CDH18: variants seen among roughly 807,000 people sequenced by gnomAD.
CDH18 encodes cadherin-18.
In CDH18, 31 loss-of-function variants were observed where a neutral mutation model predicts 67.9. That is an observed-to-expected ratio of 0.46 (90% CI 0.34 to 0.62). CDH18 has a LOEUF of 0.62. Among genes scored for constraint, CDH18 ranks in the 20% least tolerant of loss-of-function variants. CDH18 has a pLI of 0.01. For missense variants in CDH18, 890 were observed against 975.5 expected, an observed-to-expected ratio of 0.91 and a Z score of 1.17; for synonymous variants, 362 against 347.2, an observed-to-expected ratio of 1.04 and a Z score of -0.48.
At chr5:19,611,732 A>G (rs1262687604) in intron 6 of CDH18, among the ~76,000 whole-genome samples, 6 of 152,136 alleles carry the variant, frequency 3.9e-5, no homozygotes, top group Non-Finnish European at 4.4e-5. Flanking sequence ...AATGTTATCT[A>G]TAGTATCTTC....
At chr5:19,505,397 G>C (rs1009697202) in intron 10 of CDH18, among the ~76,000 whole-genome samples, 3 of 152,124 alleles carry the variant, frequency 2.0e-5, no homozygotes, top group African/African-American at 7.2e-5. Flanking sequence ...TCTTGTGCCA[G>C]TTTTCAAAGG....
At position 20,139,287 on chromosome 5, in the gene CDH18, G is replaced by A. The variant is rs188260283; in HGVS notation, c.-518+116157C>T. Among the ~76,000 whole-genome samples the A allele has an allele frequency of 3.9e-3, 589 of 152,080 alleles. 4 individuals are homozygous for A. Among genetic ancestry groups the A allele is most frequent in the African/African-American group, 0.012 (514 of 41,530 alleles). ...TATGTAGAAAGTTGAAACTGGATCC[G>A]TTCCTTACACCTTATATAAAAATTA... On this transcript the variant is annotated intron_variant, in intron 2 of 14. Coordinates refer to the CDH18 transcript ENST00000507958.
chr5:20,107,090 T>TA (rs1202454068), intron 2 of CDH18, among the ~76,000 whole-genome samples: 1 of 151,448 alleles, frequency 6.6e-6, no homozygotes, highest in African/African-American at 2.4e-5. Context: ...CTTTCTTTTT[T>TA]TTTTTTTTGA....
At chr5:20,420,226 G>A (rs1747756393) in intron 1 of CDH18, among the ~76,000 whole-genome samples, 1 of 151,294 alleles carries the variant, frequency 6.6e-6, no homozygotes, top group Middle Eastern at 3.4e-3. Context: ...CGCCAAACTC[G>A]CTGATGCTCT....
At chr5:19,501,728 G>A (rs915957233) in intron 11 of CDH18, among the ~76,000 whole-genome samples, 1 of 151,986 alleles carries the variant, frequency 6.6e-6, no homozygotes, top group Admixed American at 6.6e-5. Context: ...TGAAACATAA[G>A]TACATGGATC....
At chr5:20,242,447 C>T (rs951155831) in intron 2 of CDH18, among the ~76,000 whole-genome samples, 1 of 151,080 alleles carries the variant, frequency 6.6e-6, no homozygotes. Flanking sequence ...TTAAAGATTG[C>T]ACATATCAAT....
chr5:19,771,801 C>CTG (rs1299375577), intron 3 of CDH18, among the ~76,000 whole-genome samples: 1 of 152,132 alleles, frequency 6.6e-6, no homozygotes, highest in Non-Finnish European at 1.5e-5. Context: ...CGAAACTAAG[C>CTG]TGTAGTTAGA....
chr5:19,517,416 T>A (rs1157251222), intron 10 of CDH18, among the ~76,000 whole-genome samples: 2 of 152,062 alleles, frequency 1.3e-5, no homozygotes, highest in East Asian at 3.9e-4. Flanking sequence ...AACAGACTTT[T>A]TCAAAGAGCA....
rs576425076 is a variant in CDH18, at chr5:20,259,279, C to T, written c.-579-3774G>A. On this transcript the variant is annotated intron_variant, in intron 1 of 14. Coordinates refer to the CDH18 transcript ENST00000507958. ...AGAAGAGAGATGGCACTGTGCTATG[C>T]AGTAAAAGAATATTAGCAAAACCAT... Among the ~76,000 whole-genome samples the T allele has an allele frequency of 8.4e-4, 128 of 152,202 alleles. 1 individual carries two copies. Among genetic ancestry groups the T allele is most frequent in the Middle Eastern group, 6.8e-3 (2 of 294 alleles).
chr5:19,903,617 C>CTTTTT (rs59678864), intron 2 of CDH18, among the ~76,000 whole-genome samples: 2 of 89,976 alleles, frequency 2.2e-5, no homozygotes, highest in East Asian at 3.7e-4. Context: ...AGCAAAGTGG[C>CTTTTT]TTTTTTTTTT....
At chr5:19,639,176 G>A (rs371113717) in intron 5 of CDH18, among the ~76,000 whole-genome samples, 40 of 151,668 alleles carry the variant, frequency 2.6e-4, no homozygotes, top group African/African-American at 7.3e-4. Flanking sequence ...CTAATTTTTT[G>A]TATTTTTAGT....
chr5:20,306,909 A>C (rs924871777), intron 1 of CDH18, among the ~76,000 whole-genome samples: 9 of 152,086 alleles, frequency 5.9e-5, no homozygotes, highest in Middle Eastern at 3.4e-3. Flanking sequence ...TTTGTTGAAT[A>C]ACTTGAAATA....
intron 2 of CDH18, among the ~76,000 whole-genome samples, chr5:20,194,219 C>T (rs761217125): frequency 3.9e-5 from 6 of 152,064 alleles, no homozygotes; most frequent in Non-Finnish European, 2.9e-5. Context: ...TAGAAAACCC[C>T]ATCATCTCAG....
At chr5:19,633,230 G>C (rs367785309) in intron 5 of CDH18, among the ~76,000 whole-genome samples, 1 of 152,064 alleles carries the variant, frequency 6.6e-6, no homozygotes, top group African/African-American at 2.4e-5. Flanking sequence ...AGCATAATCT[G>C]TACCTGTCCA....
chr5:20,379,815 T>A (rs1743769889), intron 1 of CDH18, among the ~76,000 whole-genome samples: 1 of 151,814 alleles, frequency 6.6e-6, no homozygotes, highest in Admixed American at 6.6e-5. Context: ...TTAAATTATC[T>A]CTGACTCTTG....
At chr5:20,370,861 A>T (rs745455288) in intron 1 of CDH18, among the ~76,000 whole-genome samples, 3 of 152,014 alleles carry the variant, frequency 2.0e-5, no homozygotes, top group Admixed American at 6.6e-5. Flanking sequence ...ACATGATGAA[A>T]CCCCATGTCT....
intron 2 of CDH18, among the ~76,000 whole-genome samples, chr5:20,045,451 C>T (rs1311890430): frequency 6.6e-6 from 1 of 151,840 alleles, no homozygotes; most frequent in Non-Finnish European, 1.5e-5. Context: ...TCCTGTAAAT[C>T]TGAAATTAAA....
chr5:20,509,709 A>G (rs1754905614), intron 1 of CDH18, among the ~76,000 whole-genome samples: 1 of 69,664 alleles, frequency 1.4e-5, no homozygotes, highest in African/African-American at 4.9e-5. Context: ...ATGAGCCATC[A>G]TGCCCAGCCG....
intron 2 of CDH18, among the ~76,000 whole-genome samples, chr5:19,872,638 G>A (rs1204127230): frequency 1.3e-5 from 2 of 152,184 alleles, no homozygotes; most frequent in Non-Finnish European, 2.9e-5. Context: ...GCTTCCAGAT[G>A]AGAACACAGC....
Sources: allele counts gnomAD v4.1 joint callset (sites outside exome capture counted in the v4.1 genomes callset), GRCh38; gene constraint gnomAD v4.1.1; transcripts MANE v1.5; gene names NCBI Gene and HGNC (gene_info 2026-07-23, HGNC 2026-07-21).